Variants in PTPRD observed in about 807,000 individuals in gnomAD.
PTPRD encodes receptor-type tyrosine-protein phosphatase delta.
PTPRD carries 34 observed loss-of-function variants against 214.5 expected under a neutral mutation model. The ratio of observed to expected loss-of-function variants is 0.16; its 90% CI spans 0.12 to 0.21. The LOEUF is 0.21. PTPRD is among the 10% of genes least tolerant of loss of function. The pLI is 1.00. For missense variants in PTPRD, 2,545 were observed against 2,398.7 expected, an observed-to-expected ratio of 1.06 and a Z score of -1.27; for synonymous variants, 1,128 against 845.7, an observed-to-expected ratio of 1.33 and a Z score of -5.79.
At chr9:9,899,533 T>A (rs993133941) in intron 5 of PTPRD, among the ~76,000 whole-genome samples, 1 of 152,028 alleles carries the variant, frequency 6.6e-6, no homozygotes, top group Non-Finnish European at 1.5e-5. Context: ...ATGGTTATTA[T>A]CAAAAAGATG....
At chr9:9,051,260 G>A (rs2099684903) in intron 10 of PTPRD, among the ~76,000 whole-genome samples, 1 of 152,076 alleles carries the variant, frequency 6.6e-6, no homozygotes, top group Non-Finnish European at 1.5e-5. Context: ...TTATGAATAT[G>A]CAGCTTACCA....
chr9:8,421,849 T>A (rs2094386026), intron 35 of PTPRD, among the ~76,000 whole-genome samples: 1 of 151,978 alleles, frequency 6.6e-6, no homozygotes, highest in African/African-American at 2.4e-5. Context: ...AACTTTTTTT[T>A]TTTAAATGGT....
intron 2 of PTPRD, among the ~76,000 whole-genome samples, chr9:10,360,503 TGCAAAG>T (rs2097359157): frequency 6.6e-6 from 1 of 152,242 alleles, no homozygotes; most frequent in Non-Finnish European, 1.5e-5. Context: ...TCTTCCACTT[TGCAAAG>T]GCAAAGTATT....
intron 4 of PTPRD, among the ~76,000 whole-genome samples, chr9:9,980,648 C>G (rs1480135272): frequency 8.7e-6 from 1 of 115,466 alleles, no homozygotes; most frequent in South Asian, 2.8e-4. Context: ...AAAAAAAAAC[C>G]CTTTATGGAT....
Position 8,341,103 on chromosome 9 carries a change from T to C in PTPRD, c.5113A>G (p.Ile1705Val). The change falls in exon 41 of 46, where the codon ATT becomes GTT. Residue 1705 changes from isoleucine (I) to valine (V), a missense_variant. By Grantham distance (29) the Ile-to-Val change is conservative. Transcript: ENST00000381196. ...EGSDYINASF[I>V]DGYRQQKAYI... ...AAAAGTAGATACCTGTATCCATCAA[T>C]AAAACTGGCATTGATGTAATCAGAT... is the stretch of plus-strand genomic sequence containing the variant. 1 of 1,609,758 alleles carries C rather than the reference T, an allele frequency of 6.2e-7. No individual in the cohort carries two copies. The highest frequency in any genetic ancestry group is 1.1e-5 in the South Asian group (1 of 90,098).
At chr9:8,462,685 T>C (rs2134282238) in intron 32 of PTPRD, among the ~76,000 whole-genome samples, 1 of 152,056 alleles carries the variant, frequency 6.6e-6, no homozygotes, top group South Asian at 2.1e-4. Context: ...ACTTGAATAC[T>C]GCCTCCAATG....
intron 13 of PTPRD, among the ~76,000 whole-genome samples, chr9:8,635,759 T>C (rs1293387457): frequency 6.6e-6 from 1 of 152,132 alleles, no homozygotes; most frequent in Non-Finnish European, 1.5e-5. Context: ...TCAGGCAGTT[T>C]GGGGGTATTG....
intron 3 of PTPRD, among the ~76,000 whole-genome samples, chr9:10,300,464 C>G (rs2095827507): frequency 6.6e-6 from 1 of 152,222 alleles, no homozygotes; most frequent in Admixed American, 6.5e-5. Flanking sequence ...AGTGGTCTGG[C>G]TCTGTGGGTC....
chr9:10,485,118 G>T (rs35786246), intron 2 of PTPRD, among the ~76,000 whole-genome samples: 20,414 of 151,808 alleles, frequency 0.13, 1,820 homozygotes, highest in Non-Finnish European at 0.2. Flanking sequence ...TTATTCACCA[G>T]ATTGTCTTTT....
chr9:8,770,047 G>A (rs773944764), intron 11 of PTPRD, among the ~76,000 whole-genome samples: 30 of 152,142 alleles, frequency 2.0e-4, no homozygotes, highest in Non-Finnish European at 4.0e-4. Context: ...TTGGGAGGCC[G>A]AGGCCGGTGG....
intron 10 of PTPRD, among the ~76,000 whole-genome samples, chr9:9,095,126 T>TA (rs1409404520): frequency 2.0e-5 from 3 of 152,074 alleles, no homozygotes; most frequent in South Asian, 4.1e-4. Flanking sequence ...TTATATATAT[T>TA]AAAAAAACCC....
chr9:10,566,655 T>C (rs1390661632), intron 2 of PTPRD, among the ~76,000 whole-genome samples: 4 of 152,020 alleles, frequency 2.6e-5, no homozygotes, highest in African/African-American at 9.7e-5. Flanking sequence ...ACTCTCATTA[T>C]GGTATTTTCT....
intron 8 of PTPRD, among the ~76,000 whole-genome samples, chr9:9,444,814 T>G (rs2089777595): frequency 6.6e-6 from 1 of 152,150 alleles, no homozygotes; most frequent in South Asian, 2.1e-4. Flanking sequence ...TTATGCCCCA[T>G]GTAAGCAAAT....
chr9:8,867,191 T>A (rs1172166997), intron 11 of PTPRD, among the ~76,000 whole-genome samples: 1 of 152,114 alleles, frequency 6.6e-6, no homozygotes, highest in Non-Finnish European at 1.5e-5. Context: ...TTCTCTTTCT[T>A]CCTTCTTTCT....
At chr9:9,326,471 C>T (rs1010919916) in intron 9 of PTPRD, among the ~76,000 whole-genome samples, 1 of 151,874 alleles carries the variant, frequency 6.6e-6, no homozygotes, top group South Asian at 2.1e-4. Flanking sequence ...GATTCAGAGA[C>T]ATTGGCTGAT....
intron 43 of PTPRD, among the ~76,000 whole-genome samples, chr9:8,332,151 A>AATT (rs1842073340): frequency 6.6e-6 from 1 of 152,120 alleles, no homozygotes; most frequent in Non-Finnish European, 1.5e-5. Flanking sequence ...TTCAGAAACT[A>AATT]ATTACTTTGT....
intron 4 of PTPRD, among the ~76,000 whole-genome samples, chr9:9,993,432 T>C (rs552911935): frequency 1.1e-3 from 170 of 152,290 alleles, no homozygotes; most frequent in African/African-American, 3.9e-3. Context: ...AAGGGATAAG[T>C]AGTGGTGAGA....
intron 7 of PTPRD, among the ~76,000 whole-genome samples, chr9:9,632,409 G>A (rs923441258): frequency 6.6e-6 from 1 of 152,122 alleles, no homozygotes. Flanking sequence ...GAGTTGGGGA[G>A]GAGAGAATGG....
At chr9:8,996,855 T>C (rs144201636) in intron 11 of PTPRD, among the ~76,000 whole-genome samples, 7 of 152,164 alleles carry the variant, frequency 4.6e-5, no homozygotes, top group African/African-American at 1.4e-4. Context: ...TTGGGGGATA[T>C]AACATTTGGA....
Sources: allele counts gnomAD v4.1 joint callset (sites outside exome capture counted in the v4.1 genomes callset), GRCh38; gene constraint gnomAD v4.1.1; transcripts MANE v1.5; gene names NCBI Gene and HGNC (gene_info 2026-07-23, HGNC 2026-07-21).